The following CDC16 variants were observed in gnomAD, a reference collection of about 807,000 sequenced individuals.
CDC16 encodes cell division cycle 16, also known as cell division cycle protein 16 homolog.
Under a neutral mutation model 87.0 loss-of-function variants are expected in CDC16, and 34 were observed. The ratio of observed to expected loss-of-function variants is 0.39; its 90% CI spans 0.30 to 0.52. The LOEUF is 0.52. Among genes scored for constraint, CDC16 ranks in the 20% least tolerant of loss-of-function variants. The pLI is 0.74. For synonymous variants in CDC16, 263 were observed against 260.6 expected, an observed-to-expected ratio of 1.01 and a Z score of -0.09; for missense variants, 653 against 751.9, an observed-to-expected ratio of 0.87 and a Z score of 1.54.
At chr13:114,236,617 A>G in intron 1 of CDC16, 28 bp from the exon 2 acceptor site, 5 of 1,587,408 alleles carry the variant, frequency 3.1e-6, no homozygotes, top group Non-Finnish European at 4.3e-6. Context: ...CAGGGCAGTT[A>G]CCACCTTTTT....
At position 114,243,273 on chromosome 13, in the gene CDC16, A is replaced by G. The variant is rs1471753204; in HGVS notation, c.558A>G (p.Glu186=). The change falls in exon 7 of 18, where the codon GAA becomes GAG. Residue 186 remains glutamate, a synonymous_variant. Transcript: ENST00000356221. ...ATTTTTAAGAAAAAGAACTTCTTGA[A>G]TCACTACCCCTTAGCAAGCTGTGTA... ...LTAQEEKELL[E]SLPLSKLCNE... 6.5e-7 allele frequency: 1 copy of G among 1,535,804 alleles called. No homozygotes were observed. Among genetic ancestry groups the G allele is most frequent in the South Asian group, 1.1e-5 (1 of 88,628 alleles).
In CDC16 at chr13:114,267,342, CA is replaced by C. The variant is rs112712900; in HGVS notation, c.1603+2111del. 1.7e-4 allele frequency among the ~76,000 whole-genome samples: 25 copies of C among 150,466 alleles called. 1 individual carries two copies. Among genetic ancestry groups the C allele is most frequent in the African/African-American group, 5.4e-4 (22 of 40,964 alleles). ...GCCCCTACTAAAAAACAAAACAATA[CA>C]AAAAAAAACTGGCCAGGCATAGTGG... On this transcript the variant is annotated intron_variant, in intron 17 of 17. Coordinates refer to ENST00000356221, the MANE Select transcript of CDC16 (RefSeq NM_001078645.3).
At chr13:114,252,932 G>C (rs2082276855) in intron 12 of CDC16, among the ~76,000 whole-genome samples, 2 of 151,614 alleles carry the variant, frequency 1.3e-5, no homozygotes, top group Non-Finnish European at 2.9e-5. Context: ...CCAGGAGTTT[G>C]ATACTAGCCC....
rs552804976 is a variant in CDC16, at chr13:114,244,921, T to A, written c.799T>A (p.Cys267Ser). The change falls in exon 9 of 18, where the codon TGT becomes AGT. Residue 267 changes from cysteine (C) to serine (S), a missense_variant. Cys to Ser is a moderately radical substitution (Grantham distance 112, BLOSUM62 -1). Transcript: ENST00000356221. ...VMEKDPFHAS[C>S]LPVHIGTLVE... is the part of the protein sequence containing the mutation. Reference sequence around the variant, plus strand: ...GGAGAAAGATCCTTTCCATGCAAGTTGTTTACCTGTACATATAGGGACGCT... The same window carrying A: ...GGAGAAAGATCCTTTCCATGCAAGTAGTTTACCTGTACATATAGGGACGCT... 6.2e-7 allele frequency: 1 copy of A among 1,611,728 alleles called. No homozygotes were observed. Among genetic ancestry groups the A allele is most frequent in the Non-Finnish European group, 8.5e-7 (1 of 1,178,472 alleles).
At chr13:114,255,648 A>C (rs1376849559) in intron 12 of CDC16, among the ~76,000 whole-genome samples, 2 of 151,952 alleles carry the variant, frequency 1.3e-5, no homozygotes, top group African/African-American at 2.4e-5. Flanking sequence ...TCTGATGAAG[A>C]ATACTCAACC....
intron 12 of CDC16, among the ~76,000 whole-genome samples, chr13:114,254,339 A>G (rs2082373292): frequency 6.6e-6 from 1 of 152,122 alleles, no homozygotes. Context: ...TAAATATTTT[A>G]TAATGTCCCA....
intron 8 of CDC16, among the ~76,000 whole-genome samples, 193 bp downstream of exon 8, chr13:114,244,182 AT>A (rs540205836): frequency 3.7e-4 from 57 of 152,324 alleles, no homozygotes; most frequent in Admixed American, 5.9e-4. Context: ...ATATTTGTAG[AT>A]TTATTACATT....
Position 114,235,130 on chromosome 13 carries a change from C to G in CDC16, c.46C>G (p.Gln16Glu). ...LRKRVRQYLD[Q>E]QQYQSALFWA... ...GAAGCGCGTCCGGCAGTACCTCGAC[C>G]AGGTGGGCGGCCCCGACTCGGGGTG... The change falls in exon 1 of 18, where the codon CAG (glutamine) becomes GAG (glutamate). Residue 16 changes from glutamine (Q) to glutamate (E), a missense_variant and splice_region_variant. Physicochemically the swap from Gln to Glu is conservative, Grantham distance 29 (BLOSUM62 2). Transcript: ENST00000356221. The G allele has an allele frequency of 8.0e-7, 1 of 1,244,402 alleles. No individual in the cohort carries two copies. The highest frequency in any genetic ancestry group is 1.0e-6 in the Non-Finnish European group (1 of 994,306). 77.1% of individuals were successfully genotyped at this position (1,244,402 alleles called of 1,614,324 possible).
Position 114,239,408 on chromosome 13 carries a change from A to C in CDC16, c.299A>C (p.Asn100Thr). ...GTTCTTGACATGGAAGAGCCCATCAATAAAAGATTATTTGAAAAATACTTG... is the reference window on the plus strand; with the variant it reads ...GTTCTTGACATGGAAGAGCCCATCACTAAAAGATTATTTGAAAAATACTTG... ...LDVLDMEEPI[N>T]KRLFEKYLKD... The change falls in exon 5 of 18, where the codon AAT (asparagine) becomes ACT (threonine). Residue 100 changes from asparagine (N) to threonine (T), a missense_variant. Physicochemically the swap from Asn to Thr is moderately conservative, Grantham distance 65. Coordinates refer to ENST00000356221, the MANE Select transcript of CDC16 (RefSeq NM_001078645.3). The C allele has an allele frequency of 6.2e-7, 1 of 1,613,476 alleles. No homozygotes were observed. The highest frequency in any genetic ancestry group is 2.2e-5 in the East Asian group (1 of 44,880).
At chr13:114,251,566 C>CA (rs1403818053) in intron 12 of CDC16, among the ~76,000 whole-genome samples, 1 of 152,150 alleles carries the variant, frequency 6.6e-6, no homozygotes, top group Non-Finnish European at 1.5e-5. Context: ...CTCTTTTTGT[C>CA]ACTCAGTTCT....
chr13:114,235,196 G>C, intron 1 of CDC16, 64 bp downstream of exon 1: 1 of 1,113,356 alleles, frequency 9.0e-7, no homozygotes, highest in African/African-American at 1.6e-5. Flanking sequence ...GCGCGGCGTG[G>C]GGCTGGGGTG....
chr13:114,242,365 C>T, intron 6 of CDC16, 85 bp downstream of exon 6: 1 of 1,199,400 alleles, frequency 8.3e-7, no homozygotes, highest in African/African-American at 1.5e-5. Flanking sequence ...TCTAAGTCAA[C>T]AACAGGCCAC....
At chr13:114,236,771 G>A in intron 2 of CDC16, 28 bp from the exon 3 acceptor site, 1 of 1,612,426 alleles carries the variant, frequency 6.2e-7, no homozygotes, top group Non-Finnish European at 8.5e-7. Flanking sequence ...TTGTACCTCT[G>A]ACCACTTATG....
chr13:114,252,818 A>G (rs917951463), intron 12 of CDC16, among the ~76,000 whole-genome samples: 2 of 152,180 alleles, frequency 1.3e-5, no homozygotes, highest in African/African-American at 4.8e-5. Context: ...GTGTTTCCAA[A>G]TCTAACAAAC....
chr13:114,252,297 T>G (rs538718212), intron 12 of CDC16, among the ~76,000 whole-genome samples: 1 of 152,360 alleles, frequency 6.6e-6, no homozygotes, highest in South Asian at 2.1e-4. Context: ...AGCTTTACAC[T>G]AGCCCTGTTG....
intron 5 of CDC16, among the ~76,000 whole-genome samples, chr13:114,241,565 G>A (rs892797542): frequency 2.6e-5 from 4 of 152,196 alleles, no homozygotes; most frequent in Admixed American, 2.0e-4. Context: ...GAACCTAGTA[G>A]CCGTGACATG....
chr13:114,256,664 A>G (rs1424313125), intron 12 of CDC16, among the ~76,000 whole-genome samples: 1 of 152,210 alleles, frequency 6.6e-6, no homozygotes, highest in Admixed American at 6.5e-5. Flanking sequence ...ATGTTAGAAA[A>G]GTCAGAGGTA....
intron 6 of CDC16, 58 bp from the exon 7 acceptor site, chr13:114,243,199 G>T (rs1263732435): frequency 3.7e-6 from 3 of 804,204 alleles, no homozygotes; most frequent in Non-Finnish European, 6.5e-6. Context: ...TTAGTTGTTG[G>T]CTTTTTCCCC....
chr13:114,256,642 G>A (rs1453262796), intron 12 of CDC16, among the ~76,000 whole-genome samples: 1 of 152,178 alleles, frequency 6.6e-6, no homozygotes, highest in African/African-American at 2.4e-5. Context: ...ATTCACAGAA[G>A]GGAGAGCATT....
Sources: allele counts gnomAD v4.1 joint callset (sites outside exome capture counted in the v4.1 genomes callset), GRCh38; gene constraint gnomAD v4.1.1; transcripts MANE v1.5; gene names NCBI Gene and HGNC (gene_info 2026-07-23, HGNC 2026-07-21).